The following GAS7 variants were observed in gnomAD, a reference collection of about 807,000 sequenced individuals.
GAS7 encodes growth arrest specific 7, also known as growth arrest-specific protein 7.
GAS7 carries 28 observed loss-of-function variants against 71.1 expected under a neutral mutation model. The observed-to-expected ratio is 0.39, with a 90% CI of 0.29 to 0.54. The LOEUF is 0.54. Ranked by LOEUF, GAS7 falls within the 20% of genes least tolerant of loss-of-function variation. GAS7 has a pLI of 0.62. For missense variants in GAS7, 436 were observed against 627.8 expected (o/e 0.69, Z 3.27); for synonymous variants, 258 against 245.8 (o/e 1.05, Z -0.46).
chr17:9,952,920 T>C (rs1454885578), intron 5 of GAS7, among the ~76,000 whole-genome samples: 1 of 152,094 alleles, frequency 6.6e-6, no homozygotes, highest in Non-Finnish European at 1.5e-5. Context: ...AGTTCAACCA[T>C]GTGGAAAGCA....
rs888429448 is a variant in GAS7, at chr17:10,026,550, C to T, written c.184-6653G>A. Among the ~76,000 whole-genome samples the T allele has an allele frequency of 2.6e-5, 4 of 152,192 alleles. No homozygotes were observed. The highest frequency in any genetic ancestry group is 6.5e-5 in the Admixed American group (1 of 15,282). ...GAAGCAGCCAGGGCATGGCTGGGCACGCCTGGGAAGGTTGAGTCCCGGAGT... is the reference window on the plus strand; with the variant it reads ...GAAGCAGCCAGGGCATGGCTGGGCATGCCTGGGAAGGTTGAGTCCCGGAGT... On this transcript the variant is annotated intron_variant, in intron 1 of 13. Transcript: ENST00000432992. This position sits in a 1 kb window ranked among gnomAD's most constrained non-coding sequence, Gnocchi z 4.5.
At chr17:9,962,267 CGT>C (rs3220574) in intron 4 of GAS7, among the ~76,000 whole-genome samples, 2 of 142,634 alleles carry the variant, frequency 1.4e-5, no homozygotes, top group East Asian at 3.9e-4. Context: ...CACACACACA[CGT>C]GACACACACA....
At chr17:10,092,649 CAT>C (rs1002622582) in intron 1 of GAS7, among the ~76,000 whole-genome samples, 2 of 152,240 alleles carry the variant, frequency 1.3e-5, no homozygotes, top group Non-Finnish European at 1.5e-5. Context: ...CTTCAACCCA[CAT>C]GTTTTCTCTT....
At chr17:10,057,010 G>A (rs904231748) in intron 1 of GAS7, among the ~76,000 whole-genome samples, 5 of 152,110 alleles carry the variant, frequency 3.3e-5, no homozygotes, top group Non-Finnish European at 7.4e-5. Context: ...TGGCCAGGCT[G>A]GTCTCCAGCT....
intron 2 of GAS7, among the ~76,000 whole-genome samples, chr17:10,007,308 A>C (rs2071575282): frequency 6.6e-6 from 1 of 151,982 alleles, no homozygotes; most frequent in African/African-American, 2.4e-5. Flanking sequence ...AGACAGAAAG[A>C]CTCCCTAACC....
chr17:9,965,937 C>T (rs939448986), intron 4 of GAS7, among the ~76,000 whole-genome samples: 5 of 151,874 alleles, frequency 3.3e-5, no homozygotes, highest in East Asian at 1.9e-4. Context: ...GGTGGGGACA[C>T]GTTACTGGTG....
chr17:10,082,642 C>A (rs890398680), intron 1 of GAS7, among the ~76,000 whole-genome samples: 10 of 152,310 alleles, frequency 6.6e-5, no homozygotes, highest in African/African-American at 2.4e-4. Context: ...TTCACTCCTA[C>A]GTACTTATGC....
chr17:9,977,286 T>C (rs2070243099), intron 3 of GAS7, among the ~76,000 whole-genome samples: 1 of 152,184 alleles, frequency 6.6e-6, no homozygotes, highest in Admixed American at 6.5e-5. Context: ...GTGGCTACCA[T>C]ATTGGAAGGC....
intron 2 of GAS7, among the ~76,000 whole-genome samples, chr17:10,008,815 G>A (rs184507249): frequency 1.3e-5 from 2 of 151,706 alleles, no homozygotes; most frequent in Admixed American, 6.6e-5. Flanking sequence ...GCACACGCAC[G>A]CAACCCTAAT....
At chr17:9,988,595 G>A (rs2070728127) in intron 2 of GAS7, among the ~76,000 whole-genome samples, 1 of 152,162 alleles carries the variant, frequency 6.6e-6, no homozygotes, top group South Asian at 2.1e-4. Flanking sequence ...GCTGAGGCAG[G>A]AGAATTGCTT....
intron 1 of GAS7, among the ~76,000 whole-genome samples, chr17:10,176,007 G>A (rs1190031172): frequency 6.6e-6 from 1 of 152,124 alleles, no homozygotes; most frequent in Admixed American, 6.5e-5. Flanking sequence ...GTTCCCCACG[G>A]ACAATGAACC....
intron 3 of GAS7, among the ~76,000 whole-genome samples, chr17:9,980,606 A>AC (rs2070377470): frequency 6.6e-6 from 1 of 152,176 alleles, no homozygotes; most frequent in Admixed American, 6.5e-5. Flanking sequence ...TCGAAAACCA[A>AC]CAAGTGTGCT....
intron 2 of GAS7, among the ~76,000 whole-genome samples, chr17:10,009,318 CAAA>C (rs541133967): frequency 7.6e-5 from 6 of 78,554 alleles, no homozygotes; most frequent in Non-Finnish European, 1.3e-4. Context: ...GAGACTCCGT[CAAA>C]AAAAAAAAAA....
intron 1 of GAS7, among the ~76,000 whole-genome samples, chr17:10,050,427 G>A (rs1415379239): frequency 2.0e-5 from 3 of 152,136 alleles, no homozygotes; most frequent in Admixed American, 6.5e-5. Flanking sequence ...ACTGAGGCCT[G>A]GAGACAGAGC....
chr17:9,995,952 T>A (rs1289955836), intron 2 of GAS7, among the ~76,000 whole-genome samples: 1 of 152,204 alleles, frequency 6.6e-6, no homozygotes, highest in Non-Finnish European at 1.5e-5. Flanking sequence ...ACACACTACG[T>A]GTACAAAAGG....
In GAS7 at chr17:10,198,011, T is replaced by C. The variant is rs897220887; in HGVS notation, c.183+197A>G. On this transcript the variant is annotated intron_variant, in intron 1 of 13. Coordinates refer to ENST00000432992, the MANE Select transcript of GAS7 (RefSeq NM_201433.2). ...GGTGGAAGCTCCCCGCGAGTCCGCG[T>C]TGCCCACGCCCCGAGGGGCGCCCGC... Among the ~76,000 whole-genome samples the C allele has an allele frequency of 2.0e-5, 3 of 152,078 alleles. No homozygotes were observed. In the South Asian group the frequency reaches 6.2e-4, roughly 32 times the overall value.
In GAS7 at chr17:10,026,829, G is replaced by A. The variant is rs772906368; in HGVS notation, c.184-6932C>T. Among the ~76,000 whole-genome samples the A allele has an allele frequency of 2.0e-5, 3 of 152,216 alleles. No individual in the cohort carries two copies. Among genetic ancestry groups the A allele is most frequent in the Admixed American group, 1.3e-4 (2 of 15,292 alleles). On this transcript the variant is annotated intron_variant, in intron 1 of 13. Transcript: ENST00000432992. The surrounding 1 kb of genome is among the most constrained non-coding windows in gnomAD (Gnocchi z 4.5). ...AGCTCTGGGTTAAGACACAAATCAT[G>A]CAACAGTGACATCACCAGCCCCAGA...
At chr17:10,081,915 C>A (rs2073460780) in intron 1 of GAS7, among the ~76,000 whole-genome samples, 2 of 152,102 alleles carry the variant, frequency 1.3e-5, no homozygotes, top group Admixed American at 1.3e-4. Context: ...GGTATATGGA[C>A]CCAAGAAATA....
rs575245911 is a variant in GAS7, at chr17:9,959,088, C to T, written c.525+114G>A. ...TGAAATCCGAGCTTTGGAACTTCCC[C>T]GTTTCCAGGTTGGGCATCACTTCTG... is the stretch of plus-strand genomic sequence containing the variant. On this transcript the variant is annotated intron_variant, in intron 5 of 13. Transcript: ENST00000432992. The surrounding 1 kb of genome is among the most constrained non-coding windows in gnomAD (Gnocchi z 5.0). 67 of 1,367,420 alleles carry T rather than the reference C, an allele frequency of 4.9e-5. No homozygotes were observed. In the African/African-American group the frequency reaches 5.8e-4, roughly 12 times the overall value. 84.7% of individuals were successfully genotyped at this position (1,367,420 alleles called of 1,614,324 possible). A position where few individuals can be genotyped will look rare whatever the true frequency, so the allele number is the denominator to read the frequency against.
Sources: gnomAD v4.1 joint callset for allele counts (sites outside exome capture counted in the v4.1 genomes callset) on GRCh38, gnomAD v4.1.1 for gene constraint, Gnocchi (gnomAD v3.1) non-coding constraint, MANE v1.5 for transcripts, NCBI Gene and HGNC (gene_info 2026-07-23, HGNC 2026-07-21) for gene names.